LARGE1: variants seen among roughly 807,000 people sequenced by gnomAD.
LARGE1 encodes the protein xylosyl- and glucuronyltransferase LARGE1.
In LARGE1, 43 loss-of-function variants were observed where a neutral mutation model predicts 87.6. The observed-to-expected ratio is 0.49, with a 90% CI of 0.38 to 0.63. The LOEUF (loss-of-function observed/expected upper bound fraction) is 0.63. LARGE1 is among the 30% of genes least tolerant of loss of function. The pLI, the probability that LARGE1 is intolerant of heterozygous loss-of-function variation, is 0.00. For missense variants in LARGE1, 802 were observed against 1,000.2 expected, an observed-to-expected ratio of 0.80 and a Z score of 2.67; for synonymous variants, 434 against 394.6, an observed-to-expected ratio of 1.10 and a Z score of -1.18.
chr22:33,507,264 C>T (rs2148414583), intron 6 of LARGE1, among the ~76,000 whole-genome samples: 1 of 152,150 alleles, frequency 6.6e-6, no homozygotes. Context: ...GCAAATGAAA[C>T]AAGGTTGTCT....
the LARGE1 span, among the ~76,000 whole-genome samples, chr22:33,087,378 T>C: frequency 6.6e-6 from 1 of 152,158 alleles, no homozygotes; most frequent in African/African-American, 2.4e-5. Flanking sequence ...CATTCAAAGA[T>C]ACATGTTACA....
intron 11 of LARGE1, among the ~76,000 whole-genome samples, chr22:33,191,144 A>G (rs775027677): frequency 6.6e-6 from 1 of 152,234 alleles, no homozygotes; most frequent in South Asian, 2.1e-4. Context: ...GAATACATTC[A>G]TAAGATGTTT....
the LARGE1 span, among the ~76,000 whole-genome samples, chr22:33,094,375 T>A: frequency 6.6e-6 from 1 of 152,012 alleles, no homozygotes; most frequent in Non-Finnish European, 1.5e-5. Context: ...TCCAATTCCC[T>A]CTGTGACTCC....
At chr22:33,606,210 C>T (rs1294875014) in intron 4 of LARGE1, among the ~76,000 whole-genome samples, 1 of 151,994 alleles carries the variant, frequency 6.6e-6, no homozygotes, top group Non-Finnish European at 1.5e-5. Context: ...TCGAGACCAT[C>T]CTGGGTAACA....
At chr22:33,161,971 A>G (rs922682314), downstream of LARGE1, among the ~76,000 whole-genome samples, 1 of 152,158 alleles carries the variant, frequency 6.6e-6, no homozygotes, top group African/African-American at 2.4e-5. Flanking sequence ...CCTGGAATTC[A>G]TTGTCCATAT....
chr22:33,236,773 T>C (rs17794646), intron 11 of LARGE1, among the ~76,000 whole-genome samples: 22,092 of 152,134 alleles, frequency 0.15, 1,636 homozygotes, highest in East Asian at 0.22. Flanking sequence ...AGCCCAAACC[T>C]ACCAGGAGAC....
At chr22:33,456,302 A>G (rs2068128204) in intron 6 of LARGE1, among the ~76,000 whole-genome samples, 1 of 152,152 alleles carries the variant, frequency 6.6e-6, no homozygotes, top group Non-Finnish European at 1.5e-5. Context: ...CACCAACCCC[A>G]TCTATACCGA....
intron 2 of LARGE1, among the ~76,000 whole-genome samples, chr22:33,673,118 C>CA (rs994290051): frequency 3.3e-5 from 5 of 151,938 alleles, no homozygotes; most frequent in Non-Finnish European, 7.4e-5. Flanking sequence ...ACTAAAAATA[C>CA]AAAAAAATTA....
intron 7 of LARGE1, among the ~76,000 whole-genome samples, chr22:33,407,200 G>A (rs967373771): frequency 5.3e-5 from 8 of 152,150 alleles, no homozygotes; most frequent in African/African-American, 1.7e-4. Context: ...GCAGGCTGGA[G>A]TGCAGTGGCT....
At chr22:33,187,083 T>C (rs566983117) in intron 11 of LARGE1, among the ~76,000 whole-genome samples, 25 of 152,168 alleles carry the variant, frequency 1.6e-4, no homozygotes, top group Non-Finnish European at 2.5e-4. Context: ...AGTATGGAGG[T>C]GCCTCAAAAA....
chr22:33,561,049 C>T lies in LARGE1; in HGVS notation c.787+3799G>A, dbSNP rs559757783. ...CAGGATGGTTTCGATCTCCTGACCT[C>T]GTGATCTGCCGGGCTCGGCCTCCCA... On this transcript the variant is annotated intron_variant, in intron 6 of 14. Coordinates refer to ENST00000397394, the MANE Select transcript of LARGE1 (RefSeq NM_133642.5). 2.1e-3 allele frequency among the ~76,000 whole-genome samples: 323 copies of T among 152,268 alleles called. 2 individuals are homozygous for T. The highest frequency in any genetic ancestry group is 7.3e-3 in the African/African-American group (302 of 41,542).
chr22:33,443,948 T>C (rs2067590762), intron 6 of LARGE1, among the ~76,000 whole-genome samples: 1 of 152,256 alleles, frequency 6.6e-6, no homozygotes, highest in African/African-American at 2.4e-5. Context: ...ACAACCTCCA[T>C]CCATGGAAAT....
intron 1 of LARGE1, among the ~76,000 whole-genome samples, chr22:33,807,367 A>T (rs1039069574): frequency 6.6e-6 from 1 of 152,122 alleles, no homozygotes; most frequent in Non-Finnish European, 1.5e-5. Flanking sequence ...TTAGTTTTTT[A>T]AAAATAGACT....
chr22:33,752,007 C>T (rs368304412), intron 2 of LARGE1, among the ~76,000 whole-genome samples: 2 of 152,186 alleles, frequency 1.3e-5, no homozygotes, highest in Non-Finnish European at 2.9e-5. Context: ...GTCTTGAGCT[C>T]CTGGCCTCAA....
chr22:33,095,083 C>T, the LARGE1 span, among the ~76,000 whole-genome samples: 5 of 152,200 alleles, frequency 3.3e-5, no homozygotes, highest in Admixed American at 1.3e-4. Flanking sequence ...CCTGGCTTAT[C>T]GTATTACAAC....
chr22:33,484,294 G>A (rs1008498159), intron 6 of LARGE1, among the ~76,000 whole-genome samples: 1 of 152,086 alleles, frequency 6.6e-6, no homozygotes, highest in Non-Finnish European at 1.5e-5. Flanking sequence ...CTAACCTTGA[G>A]GAGTTTCAAT....
intron 12 of LARGE1, among the ~76,000 whole-genome samples, chr22:33,292,028 A>G (rs1380448997): frequency 2.0e-5 from 3 of 152,164 alleles, no homozygotes; most frequent in Non-Finnish European, 4.4e-5. Context: ...AGGGAGGCGG[A>G]GGTTGCAATG....
At chr22:33,277,983 G>C (rs911198523) in intron 13 of LARGE1, among the ~76,000 whole-genome samples, 1 of 152,134 alleles carries the variant, frequency 6.6e-6, no homozygotes, top group East Asian at 1.9e-4. Flanking sequence ...CTCCCCTTGA[G>C]GCAGAACCTG....
intron 2 of LARGE1, among the ~76,000 whole-genome samples, chr22:33,653,156 G>A (rs532678164): frequency 3.3e-5 from 5 of 152,248 alleles, no homozygotes; most frequent in Admixed American, 6.5e-5. Flanking sequence ...TGGCTTCCTC[G>A]GGAGTTACAC....
Sources: allele counts gnomAD v4.1 joint callset (sites outside exome capture counted in the v4.1 genomes callset), GRCh38; gene constraint gnomAD v4.1.1; transcripts MANE v1.5; gene names NCBI Gene and HGNC (gene_info 2026-07-23, HGNC 2026-07-21).